The following LAMP3 variants were observed in gnomAD, a reference collection of about 807,000 sequenced individuals.
LAMP3 encodes the protein lysosome-associated membrane glycoprotein 3.
LAMP3 carries 26 observed loss-of-function variants against 34.8 expected under a neutral mutation model. The ratio of observed to expected loss-of-function variants is 0.75; its 90% CI spans 0.55 to 1.04. The LOEUF (loss-of-function observed/expected upper bound fraction) is 1.04. LAMP3 is among the 50% of genes least tolerant of loss of function. The pLI, the probability that LAMP3 is intolerant of heterozygous loss-of-function variation, is 0.00. For synonymous variants in LAMP3, 180 were observed against 201.9 expected (o/e 0.89, Z 0.92); for missense variants, 495 against 524.0 (o/e 0.94, Z 0.54).
At position 183,129,395 on chromosome 3, in the gene LAMP3, C is replaced by A. The variant is rs998068026; in HGVS notation, c.1118-5181G>T. ...CTTCATTCTATTTTTGAGGTCTATA[C>A]GTCAGAGGCACCAATTATACTTATG... is the stretch of plus-strand genomic sequence containing the variant. On this transcript the variant is annotated intron_variant, in intron 5 of 5. Coordinates refer to ENST00000265598, the MANE Select transcript of LAMP3 (RefSeq NM_014398.4). 6.6e-5 allele frequency among the ~76,000 whole-genome samples: 10 copies of A among 151,960 alleles called. No homozygotes were observed. The East Asian group carries it at 1.7e-3, about 26-fold the overall frequency.
rs377249457 is a variant in LAMP3 at position 183,160,212 on chromosome 3, G to A, written c.49+2395C>T. Among the ~76,000 whole-genome samples the A allele has an allele frequency of 1.4e-3, 219 of 152,286 alleles. 1 individual carries two copies. Among genetic ancestry groups the A allele is most frequent in the Middle Eastern group, 6.8e-3 (2 of 294 alleles). On this transcript the variant is annotated intron_variant, in intron 1 of 5. Transcript: ENST00000265598. ...CTCATTTTCTGGAGGAAAAATTTGA[G>A]ATCAGGGAAGCAAGTTGACTGGGTA... is the stretch of plus-strand genomic sequence containing the variant.
At chr3:183,132,591 G>C in intron 5 of LAMP3, 1 of 985,398 alleles carries the variant, frequency 1.0e-6, no homozygotes, top group Non-Finnish European at 1.2e-6. Context: ...AGGTATGGCA[G>C]AGGGCATCAA....
intron 5 of LAMP3, among the ~76,000 whole-genome samples, chr3:183,128,137 C>G (rs598002): frequency 0.86 from 127,012 of 146,932 alleles, 55,323 homozygotes; most frequent in Middle Eastern, 0.93. Context: ...GACAGAGCGA[C>G]ACTCCATCTC....
intron 3 of LAMP3, among the ~76,000 whole-genome samples, chr3:183,144,684 T>A (rs1400226083): frequency 6.6e-6 from 1 of 152,058 alleles, no homozygotes; most frequent in African/African-American, 2.4e-5. Context: ...GGGTTCCAAA[T>A]GCCCCTCAAA....
At chr3:183,159,737 C>A (rs1720922843) in intron 1 of LAMP3, among the ~76,000 whole-genome samples, 1 of 152,214 alleles carries the variant, frequency 6.6e-6, no homozygotes, top group African/African-American at 2.4e-5. Flanking sequence ...CACTTGTTGC[C>A]TGGAATAAAG....
Position 183,124,575 on chromosome 3 carries a change from G to A in LAMP3, c.1118-361C>T, listed in dbSNP as rs375154923. ...CAGCCGGGCACAGTGGCTCACGCCT[G>A]TAATCCCAGCACTTTGGGAGGCCGA... is the stretch of plus-strand genomic sequence containing the variant. On this transcript the variant is annotated intron_variant, in intron 5 of 5. Coordinates refer to ENST00000265598, the MANE Select transcript of LAMP3 (RefSeq NM_014398.4). 8.0e-4 allele frequency among the ~76,000 whole-genome samples: 122 copies of A among 151,820 alleles called. No homozygotes were observed. In the Middle Eastern group the frequency reaches 0.017, roughly 21 times the overall value.
intron 5 of LAMP3, among the ~76,000 whole-genome samples, chr3:183,133,243 T>A (rs1719981043): frequency 6.6e-6 from 1 of 152,214 alleles, no homozygotes; most frequent in African/African-American, 2.4e-5. Context: ...GGAATTCTGA[T>A]GCTGCTTCCA....
chr3:183,146,913 G>A (rs1720460952), intron 3 of LAMP3, among the ~76,000 whole-genome samples: 1 of 151,684 alleles, frequency 6.6e-6, no homozygotes, highest in Non-Finnish European at 1.5e-5. Context: ...GGAACAATCA[G>A]AAGATCTGGC....
chr3:183,145,947 T>G (rs1172230998), intron 3 of LAMP3, among the ~76,000 whole-genome samples: 1 of 152,376 alleles, frequency 6.6e-6, no homozygotes, highest in East Asian at 1.9e-4. Flanking sequence ...CCAAGCTCAT[T>G]GTTAGGGACA....
At chr3:183,129,957 G>T (rs1053825103) in intron 5 of LAMP3, among the ~76,000 whole-genome samples, 1 of 152,100 alleles carries the variant, frequency 6.6e-6, no homozygotes, top group Non-Finnish European at 1.5e-5. Context: ...ATACAGACAG[G>T]TACAGAGGGA....
intron 1 of LAMP3, chr3:183,158,039 A>G (rs1221839789): frequency 6.6e-6 from 1 of 152,418 alleles, no homozygotes; most frequent in Non-Finnish European, 1.5e-5. Context: ...AAAAGTGCCA[A>G]GTTCATGGGT....
At position 183,135,821 on chromosome 3, in the gene LAMP3, T is replaced by C. The variant is rs1576872940; in HGVS notation, c.1013A>G (p.Lys338Arg). The change falls in exon 5 of 6, where the codon AAG (lysine) becomes AGG (arginine). Residue 338 changes from lysine to arginine, a missense_variant. Physicochemically the swap from Lys to Arg is conservative, Grantham distance 26 (BLOSUM62 2). Coordinates refer to ENST00000265598, the MANE Select transcript of LAMP3 (RefSeq NM_014398.4). ...MFQTAVGHSF[K>R]CVSEQSLQLS... ...CTGGAGGCTCTGTTCACTCACGCAC[T>C]TGAAGGAATGCCCGACTGCTGTCTG... is the stretch of plus-strand genomic sequence containing the variant. 5 of 1,613,906 alleles carry C rather than the reference T, an allele frequency of 3.1e-6. No homozygotes were observed. Among genetic ancestry groups the C allele is most frequent in the African/African-American group, 2.7e-5 (2 of 75,052 alleles).
upstream of LAMP3, chr3:183,162,958 T>A: frequency 2.7e-6 from 1 of 373,620 alleles, no homozygotes. Flanking sequence ...TCTCCTCCTT[T>A]CTTTTTCTTT....
intron 5 of LAMP3, among the ~76,000 whole-genome samples, chr3:183,130,341 G>A (rs1719879804): frequency 6.6e-6 from 1 of 151,730 alleles, no homozygotes. Context: ...TGTGTTTTTA[G>A]TAGAAACGGG....
At chr3:183,159,369 G>T (rs1051713158) in intron 1 of LAMP3, among the ~76,000 whole-genome samples, 2 of 152,214 alleles carry the variant, frequency 1.3e-5, no homozygotes, top group South Asian at 2.1e-4. Flanking sequence ...ACAGCAAGGG[G>T]TCAGCATGAC....
chr3:183,152,727 G>A (rs1720679113), intron 2 of LAMP3, among the ~76,000 whole-genome samples: 1 of 152,110 alleles, frequency 6.6e-6, no homozygotes, highest in African/African-American at 2.4e-5. Flanking sequence ...AATAATTGAT[G>A]GCAGGTATGT....
chr3:183,145,919 G>C (rs1392074027), intron 3 of LAMP3, among the ~76,000 whole-genome samples: 2 of 152,234 alleles, frequency 1.3e-5, no homozygotes, highest in Non-Finnish European at 2.9e-5. Context: ...CTATATTTCT[G>C]TTATTTTTCT....
At chr3:183,150,547 G>A (rs1383490232) in intron 3 of LAMP3, among the ~76,000 whole-genome samples, 1 of 143,566 alleles carries the variant, frequency 7.0e-6, no homozygotes, top group Admixed American at 7.1e-5. Flanking sequence ...TGTATCTTCT[G>A]CTATTTTGCC....
chr3:183,152,591 G>T, intron 2 of LAMP3, 88 bp from the exon 3 acceptor site: 1 of 1,230,536 alleles, frequency 8.1e-7, no homozygotes, highest in Non-Finnish European at 1.1e-6. Flanking sequence ...TTGTGAGCCT[G>T]AAACTTAAGG....
Sources: allele counts gnomAD v4.1 joint callset (sites outside exome capture counted in the v4.1 genomes callset), GRCh38; gene constraint gnomAD v4.1.1; transcripts MANE v1.5; gene names NCBI Gene and HGNC (gene_info 2026-07-23, HGNC 2026-07-21).